The following RNF170 variants were observed in gnomAD, a reference collection of about 807,000 sequenced individuals.
RNF170 encodes the protein ring finger protein 170, also known as E3 ubiquitin-protein ligase RNF170.
RNF170 carries 12 observed loss-of-function variants against 32.7 expected under a neutral mutation model. The observed-to-expected ratio is 0.37, with a 90% CI of 0.24 to 0.60. RNF170 has a LOEUF of 0.60. Among genes scored for constraint, RNF170 ranks in the 20% least tolerant of loss-of-function variants. The probability of loss-of-function intolerance (pLI) is 0.72; values close to 1 mark genes in which losing one functional copy is unlikely to be tolerated. For synonymous variants in RNF170, 91 were observed against 103.6 expected, an observed-to-expected ratio of 0.88 and a Z score of 0.74; for missense variants, 212 against 311.2, an observed-to-expected ratio of 0.68 and a Z score of 2.40.
chr8:42,897,265 G>C (rs1807017780), upstream of RNF170: 1 of 1,050,974 alleles, frequency 9.5e-7, no homozygotes, highest in African/African-American at 1.6e-5. Flanking sequence ...GCGGCCCGTG[G>C]GGCGAGCGCT....
At chr8:42,889,354 A>G (rs2128954753) in intron 1 of RNF170, 1 of 152,012 alleles carries the variant, frequency 6.6e-6, no homozygotes, top group Middle Eastern at 3.4e-3. Context: ...GAGTCCAAAT[A>G]TCACAGGTAA....
intron 2 of RNF170, among the ~76,000 whole-genome samples, chr8:42,886,371 C>T (rs1158809139): frequency 6.6e-6 from 1 of 152,162 alleles, no homozygotes; most frequent in Admixed American, 6.5e-5. Context: ...ACTCTGCTAT[C>T]ATCTAGTCAT....
intron 2 of RNF170, among the ~76,000 whole-genome samples, chr8:42,884,708 T>C (rs2128949451): frequency 6.6e-6 from 1 of 151,368 alleles, no homozygotes; most frequent in East Asian, 2.0e-4. Flanking sequence ...GAATTCTTTT[T>C]TTTTTTTCTT....
At chr8:42,877,321 C>T (rs1050188353) in intron 2 of RNF170, among the ~76,000 whole-genome samples, 4 of 152,022 alleles carry the variant, frequency 2.6e-5, no homozygotes, top group South Asian at 2.1e-4. Context: ...CGGGTTCAAG[C>T]GATTTCCAGC....
Position 42,853,650 on chromosome 8 carries a change from T to A in RNF170, c.*2509A>T, listed in dbSNP as rs182069000. Reference sequence around the variant, plus strand: ...CAAATTGTTACTTTGATTTATATGATCTAACTCTGAATCACGGAAGTATTA... The same window carrying A: ...CAAATTGTTACTTTGATTTATATGAACTAACTCTGAATCACGGAAGTATTA... On this transcript the variant is annotated 3_prime_UTR_variant, in exon 7 of 7. Transcript: ENST00000527424. 4 of 1,286,106 alleles carry A rather than the reference T, an allele frequency of 3.1e-6. No homozygotes were observed. The highest frequency in any genetic ancestry group is 1.1e-4 in the East Asian group (2 of 18,032). 79.7% of individuals were successfully genotyped at this position (1,286,106 alleles called of 1,614,324 possible).
intron 1 of RNF170, chr8:42,889,478 G>A (rs939444667): frequency 6.6e-6 from 1 of 152,038 alleles, no homozygotes; most frequent in Non-Finnish European, 1.5e-5. Flanking sequence ...ATAAAGTTCT[G>A]CATTTATGTA....
intron 4 of RNF170, among the ~76,000 whole-genome samples, chr8:42,867,775 CAA>C (rs1054907767): frequency 1.6e-4 from 4 of 24,770 alleles, no homozygotes; most frequent in African/African-American, 4.6e-4. Flanking sequence ...GACTCCATCT[CAA>C]AAAAAAAAAA....
In RNF170 at chr8:42,854,515, T is replaced by A. The variant is rs1168055178; in HGVS notation, c.*1644A>T. On this transcript the variant is annotated 3_prime_UTR_variant, in exon 7 of 7. Coordinates refer to ENST00000527424, the MANE Select transcript of RNF170 (RefSeq NM_030954.4). ...AACCTGCTTTAATTATAATGTGCTA[T>A]GTTTAAGCATTATTGTTTTTCTCTA... 2 of 1,286,578 alleles carry A rather than the reference T, an allele frequency of 1.6e-6. No individual in the cohort carries two copies. Among genetic ancestry groups the A allele is most frequent in the Non-Finnish European group, 2.0e-6 (2 of 988,202 alleles). The allele number at this position is 1,286,578 out of a possible 1,614,324, so 79.7% of individuals were successfully genotyped here.
chr8:42,857,152 C>T (rs747213127), intron 6 of RNF170, among the ~76,000 whole-genome samples: 4 of 152,170 alleles, frequency 2.6e-5, no homozygotes, highest in Non-Finnish European at 4.4e-5. Flanking sequence ...CAGTCATACA[C>T]GCAAACTCTA....
chr8:42,896,652 G>A (rs770031541), upstream of RNF170: 3 of 451,876 alleles, frequency 6.6e-6, no homozygotes, highest in South Asian at 3.1e-5. Context: ...GGGCGCGACC[G>A]GACGGCGGAG....
At position 42,874,004 on chromosome 8, in the gene RNF170, T is replaced by C. The variant is rs757300490; in HGVS notation, c.140A>G (p.Asn47Ser). The change falls in exon 3 of 7, where the codon AAT (asparagine) becomes AGT (serine). Residue 47 changes from asparagine (N) to serine (S), a missense_variant and splice_region_variant. Physicochemically the swap from Asn to Ser is conservative, Grantham distance 46 (BLOSUM62 1). This residue lies in a region of RNF170 where 115 missense variants were observed against 132.3 expected (regional missense o/e 0.87). Coordinates refer to ENST00000527424, the MANE Select transcript of RNF170 (RefSeq NM_030954.4). ...IATLVYALFR[N>S]VHQNIHPENQ... ...TTCTGGGTGAATGTTTTGATGTACA[T>C]TTCTGTTGAATAGAATATAATAAAT... is the stretch of plus-strand genomic sequence containing the variant. 10 of 1,567,930 alleles carry C rather than the reference T, an allele frequency of 6.4e-6. No individual in the cohort carries two copies. The South Asian group carries it at 1.0e-4, about 16-fold the overall frequency.
intron 6 of RNF170, 41 bp from the exon 7 acceptor site, chr8:42,856,469 T>C: frequency 7.3e-7 from 1 of 1,368,896 alleles, no homozygotes; most frequent in South Asian, 1.2e-5. Flanking sequence ...CAGCACCTAA[T>C]GTGTCAGATT....
rs1803135938 is a variant in RNF170, at chr8:42,854,969, GC to G, written c.*1189del. ...ACTAACAAAATTTGTCCAATCTGTT[GC>G]TATAGCTAACCAGTAATTTCTTTTG... On this transcript the variant is annotated 3_prime_UTR_variant, in exon 7 of 7. Transcript: ENST00000527424. 7.8e-7 allele frequency: 1 copy of G among 1,287,074 alleles called. No individual in the cohort carries two copies. Among genetic ancestry groups the G allele is most frequent in the African/African-American group, 1.5e-5 (1 of 65,770 alleles). The allele number at this position is 1,287,074 out of a possible 1,614,324, so 79.7% of individuals were successfully genotyped here. A position where few individuals can be genotyped will look rare whatever the true frequency, so the allele number is the denominator to read the frequency against.
At chr8:42,871,046 C>G (rs1327061927) in intron 3 of RNF170, among the ~76,000 whole-genome samples, 1 of 151,680 alleles carries the variant, frequency 6.6e-6, no homozygotes. Flanking sequence ...CTGTCTCTAC[C>G]ACAAAATACA....
In RNF170 at chr8:42,879,663, T is replaced by G. The variant is rs546313656; in HGVS notation, c.138-5657A>C. Reference sequence around the variant, plus strand: ...GAGACTCCATCTCAAAAGCAATAAATAAAGAATAAAATAACTTTTTTTTTT... The same window carrying G: ...GAGACTCCATCTCAAAAGCAATAAAGAAAGAATAAAATAACTTTTTTTTTT... On this transcript the variant is annotated intron_variant, in intron 2 of 6. Coordinates refer to ENST00000527424, the MANE Select transcript of RNF170 (RefSeq NM_030954.4). Among the ~76,000 whole-genome samples the G allele has an allele frequency of 9.2e-5, 14 of 151,766 alleles. No homozygotes were observed. In the South Asian group the frequency reaches 1.9e-3, roughly 20 times the overall value.
chr8:42,850,772 CTGAG>C (rs1436098346), downstream of RNF170: 1 of 1,551,428 alleles, frequency 6.4e-7, no homozygotes, highest in African/African-American at 1.4e-5. Context: ...TTTGGGTAGT[CTGAG>C]TGAGGAGGGA....
upstream of RNF170, chr8:42,897,008 G>A (rs1399409945): frequency 4.8e-6 from 3 of 627,590 alleles, no homozygotes; most frequent in African/African-American, 3.8e-5. Flanking sequence ...GCGAGAGTCG[G>A]CGGCCGGATC....
At chr8:42,859,233 T>C (rs1447008305) in intron 6 of RNF170, among the ~76,000 whole-genome samples, 1 of 152,112 alleles carries the variant, frequency 6.6e-6, no homozygotes, top group African/African-American at 2.4e-5. Context: ...CTAGAAAACA[T>C]GTATCAGGCT....
chr8:42,889,797 C>A (rs1412047373), intron 1 of RNF170, among the ~76,000 whole-genome samples: 1 of 152,200 alleles, frequency 6.6e-6, no homozygotes, highest in Non-Finnish European at 1.5e-5. Flanking sequence ...GCCAACTGAA[C>A]TGAAGAGCCT....
Sources: gnomAD v4.1 joint callset for allele counts (sites outside exome capture counted in the v4.1 genomes callset) on GRCh38, gnomAD v4.1.1 for gene constraint, gnomAD v4.1.1 regional missense constraint, MANE v1.5 for transcripts, NCBI Gene and HGNC (gene_info 2026-07-23, HGNC 2026-07-21) for gene names.